The following ADCY6 variants were observed in gnomAD, a reference collection of about 807,000 sequenced individuals.
ADCY6 encodes the protein adenylate cyclase type 6.
ADCY6 carries 59 observed loss-of-function variants against 111.6 expected under a neutral mutation model. That is an observed-to-expected ratio of 0.53 (90% CI 0.43 to 0.66). The LOEUF is 0.66. ADCY6 is among the 30% of genes least tolerant of loss of function. The pLI is 0.00. For synonymous variants in ADCY6, 576 were observed against 642.9 expected, an observed-to-expected ratio of 0.90 and a Z score of 1.57; for missense variants, 1,242 against 1,595.6, an observed-to-expected ratio of 0.78 and a Z score of 3.78.
intron 2 of ADCY6, among the ~76,000 whole-genome samples, chr12:48,779,415 C>G (rs1320879923): frequency 6.6e-6 from 1 of 152,132 alleles, no homozygotes; most frequent in Non-Finnish European, 1.5e-5. Flanking sequence ...TTCCAAGATT[C>G]CTACTCACTC....
In ADCY6 at chr12:48,772,184, T is replaced by C. The variant is rs535357432; in HGVS notation, c.2787+111A>G. 2.7e-6 allele frequency: 4 copies of C among 1,469,414 alleles called. No individual in the cohort carries two copies. In the East Asian group the frequency reaches 9.1e-5, roughly 34 times the overall value. 91.0% of individuals were successfully genotyped at this position (1,469,414 alleles called of 1,614,324 possible). A position where few individuals can be genotyped will look rare whatever the true frequency, so the allele number is the denominator to read the frequency against. On this transcript the variant is annotated intron_variant, in intron 18 of 21. Transcript: ENST00000357869. ...GCACAGAGAAGGAATGGAACCAGGG[T>C]GGGCCTAGGTGTGGCCTGAGCCTTA...
chr12:48,768,603 GC>G lies in ADCY6; in HGVS notation c.3494del (p.Gly1165AlafsTer82). On this transcript the variant is annotated frameshift_variant, in exon 22 of 22. Transcript: ENST00000357869. LOFTEE classifies it high-confidence loss of function. The stretch of plus-strand genomic sequence containing the variant: ...TGGCTGGGCCCTGTTAACTGCTGGG[GC>G]CCCCATTGAGGAAGTAGGTGGTCAT... ...GEMTTYFLNG[G>X]PSS 2 of 1,614,070 alleles carry G rather than the reference GC, an allele frequency of 1.2e-6. No individual in the cohort carries two copies. The highest frequency in any genetic ancestry group is 1.7e-6 in the Non-Finnish European group (2 of 1,179,982).
At chr12:48,778,640 C>A (rs1941768646) in intron 2 of ADCY6, among the ~76,000 whole-genome samples, 1 of 152,164 alleles carries the variant, frequency 6.6e-6, no homozygotes, top group South Asian at 2.1e-4. Context: ...ACCCAGGAGA[C>A]CTGAGCTCTA....
chr12:48,782,977 G>A lies in ADCY6; in HGVS notation c.458C>T (p.Thr153Met). ...YFFQMNQSSL[T>M]LLMAVLVLLT... ...CAGCACCAGCACCGCCATCAGCAGC[G>A]TCAGGCTGCTCTGGTTCATCTGGAA... The change falls in exon 2 of 22, where the codon ACG becomes ATG. Residue 153 changes from threonine (T) to methionine (M), a missense_variant. Thr to Met is a moderately conservative substitution (Grantham distance 81, BLOSUM62 -1). Coordinates refer to ENST00000357869, the MANE Select transcript of ADCY6 (RefSeq NM_015270.5). This position sits in a 1 kb window ranked among gnomAD's most constrained non-coding sequence, Gnocchi z 4.3. 1 of 1,613,738 alleles carries A rather than the reference G, an allele frequency of 6.2e-7. No homozygotes were observed. The highest frequency in any genetic ancestry group is 8.5e-7 in the Non-Finnish European group (1 of 1,179,918).
Position 48,773,484 on chromosome 12 carries a change from A to C in ADCY6, c.2606T>G (p.Leu869Arg), listed in dbSNP as rs371956468. 1 of 1,613,954 alleles carries C rather than the reference A, an allele frequency of 6.2e-7. No homozygotes were observed. The highest frequency in any genetic ancestry group is 8.5e-7 in the Non-Finnish European group (1 of 1,179,886). ...ATIFDNYDLLLGVHGLASSNE... is the reference protein window; with the variant it reads ...ATIFDNYDLLRGVHGLASSNE... ...ATAAACTCACAAGCCATGGACGCCA[A>C]GCAGTAGGTCATAGTTGTCAAAGAT... The change falls in exon 16 of 22, where the codon CTT (leucine) becomes CGT (arginine). Residue 869 changes from leucine to arginine, a missense_variant. Transcript: ENST00000357869.
At chr12:48,773,787 AG>A in intron 15 of ADCY6, 140 bp from the exon 16 acceptor site, 2 of 1,433,276 alleles carry the variant, frequency 1.4e-6, no homozygotes, top group Non-Finnish European at 1.9e-6. Flanking sequence ...TTCCATGCCC[AG>A]CCCCTACAAC....
At chr12:48,786,000 T>A (rs1941972802) in intron 1 of ADCY6, among the ~76,000 whole-genome samples, 2 of 152,168 alleles carry the variant, frequency 1.3e-5, no homozygotes, top group South Asian at 4.1e-4. Context: ...CAGGTCAGAA[T>A]AAGATGAGGC....
Position 48,782,456 on chromosome 12 carries a change from T to C in ADCY6, c.864+115A>G. 6.8e-7 allele frequency: 1 copy of C among 1,464,496 alleles called. No homozygotes were observed. Among genetic ancestry groups the C allele is most frequent in the Non-Finnish European group, 9.0e-7 (1 of 1,106,946 alleles). 90.7% of individuals were successfully genotyped at this position (1,464,496 alleles called of 1,614,324 possible). A position where few individuals can be genotyped will look rare whatever the true frequency, so the allele number is the denominator to read the frequency against. On this transcript the variant is annotated intron_variant, in intron 2 of 21. Transcript: ENST00000357869. This position sits in a 1 kb window ranked among gnomAD's most constrained non-coding sequence, Gnocchi z 4.3. ...CCTCCCAGATACAGCCAGACATCCC[T>C]GCACCCAGCTTCCACCCATGACTCA...
At position 48,766,471 on chromosome 12, in the gene ADCY6, C is replaced by T. The variant is rs1387685627; in HGVS notation, c.*2120G>A. The T allele has an allele frequency of 6.6e-6, 1 of 152,646 alleles. No individual in the cohort carries two copies. The highest frequency in any genetic ancestry group is 1.9e-4 in the East Asian group (1 of 5,184). 9.5% of individuals were successfully genotyped at this position (152,646 alleles called of 1,614,324 possible). On this transcript the variant is annotated 3_prime_UTR_variant, in exon 22 of 22. Transcript: ENST00000357869. Reference sequence around the variant, plus strand: ...CAAGCCACCCAAGGCTGAGGTCTTCCCACTCTGATCTACTTATACCCTCAC... The same window carrying T: ...CAAGCCACCCAAGGCTGAGGTCTTCTCACTCTGATCTACTTATACCCTCAC...
At position 48,771,958 on chromosome 12, in the gene ADCY6, C is replaced by T; in HGVS notation, c.2803G>A (p.Glu935Lys). The change falls in exon 19 of 22, where the codon GAG (glutamate) becomes AAG (lysine). Residue 935 changes from glutamate to lysine, a missense_variant. Transcript: ENST00000357869. The surrounding 1 kb of genome is among the most constrained non-coding windows in gnomAD (Gnocchi z 4.3). ...TATGCCTGTAGCTCCTCCATCTCCTCCTTCTCCCCTGTTGCCTGTGGACAC... is the reference window on the plus strand; with the variant it reads ...TATGCCTGTAGCTCCTCCATCTCCTTCTTCTCCCCTGTTGCCTGTGGACAC... ...LWKLQATGEKEEMEELQAYNR... is the reference protein window; with the variant it reads ...LWKLQATGEKKEMEELQAYNR... 1 of 1,611,184 alleles carries T rather than the reference C, an allele frequency of 6.2e-7. No individual in the cohort carries two copies. The highest frequency in any genetic ancestry group is 1.3e-5 in the African/African-American group (1 of 75,050).
At position 48,776,240 on chromosome 12, in the gene ADCY6, G is replaced by C. The variant is rs1345115705; in HGVS notation, c.1646C>G (p.Thr549Ser). The C allele has an allele frequency of 6.2e-7, 1 of 1,614,238 alleles. No individual in the cohort carries two copies. The highest frequency in any genetic ancestry group is 1.1e-5 in the South Asian group (1 of 91,086). ...CTGGCTGGCGCCCAGGATGAGGAAA[G>C]TCTCAATGTGCTGCTCCTTGAGGTA... is the stretch of plus-strand genomic sequence containing the variant. ...NAYLKEQHIE[T>S]FLILGASQKR... Residue 549 changes from threonine to serine, a missense_variant, in exon 8 of 22, where the codon ACT (threonine) becomes AGT (serine). Coordinates refer to ENST00000357869, the MANE Select transcript of ADCY6 (RefSeq NM_015270.5). This position sits in a 1 kb window ranked among gnomAD's most constrained non-coding sequence, Gnocchi z 6.1.
chr12:48,773,857 A>G, intron 15 of ADCY6, 83 bp downstream of exon 15: 2 of 1,545,134 alleles, frequency 1.3e-6, no homozygotes, highest in East Asian at 2.4e-5. Context: ...CTGGGTCCCC[A>G]GCGCCCATCA....
At position 48,771,965 on chromosome 12, in the gene ADCY6, C is replaced by G; in HGVS notation, c.2796G>C (p.Gly932=). 1 of 1,609,298 alleles carries G rather than the reference C, an allele frequency of 6.2e-7. No homozygotes were observed. Among genetic ancestry groups the G allele is most frequent in the Non-Finnish European group, 8.5e-7 (1 of 1,177,184 alleles). ...GTAGCTCCTCCATCTCCTCCTTCTCCCCTGTTGCCTGTGGACACCACACCC... is the reference window on the plus strand; with the variant it reads ...GTAGCTCCTCCATCTCCTCCTTCTCGCCTGTTGCCTGTGGACACCACACCC... The part of the protein sequence containing the change: ...LDFLWKLQAT[G]EKEEMEELQA... The change falls in exon 19 of 22, where the codon GGG becomes GGC. Residue 932 remains glycine, a synonymous_variant. Coordinates refer to ENST00000357869, the MANE Select transcript of ADCY6 (RefSeq NM_015270.5). This position sits in a 1 kb window ranked among gnomAD's most constrained non-coding sequence, Gnocchi z 4.3.
At chr12:48,775,625 C>T (rs138049515) in intron 10 of ADCY6, 48 bp downstream of exon 10, 7 of 1,600,544 alleles carry the variant, frequency 4.4e-6, no homozygotes, top group East Asian at 2.2e-5. Context: ...CCCCCCAGCC[C>T]CATCCCAGGG....
At position 48,777,768 on chromosome 12, in the gene ADCY6, T is replaced by C. The variant is rs745998348; in HGVS notation, c.1015-32A>G. The C allele has an allele frequency of 6.2e-7, 1 of 1,612,348 alleles. No individual in the cohort carries two copies. Among genetic ancestry groups the C allele is most frequent in the Non-Finnish European group, 8.5e-7 (1 of 1,179,268 alleles). On this transcript the variant is annotated intron_variant, in intron 3 of 21. Coordinates refer to ENST00000357869, the MANE Select transcript of ADCY6 (RefSeq NM_015270.5). The surrounding 1 kb of genome is among the most constrained non-coding windows in gnomAD (Gnocchi z 4.9). ...CAGTGGTTCCAATAGGGCATCACTA[T>C]ACTCTTGGTCTCACATTGCAATCCC...
chr12:48,774,321 C>T lies in ADCY6; in HGVS notation c.2283+81G>A. On this transcript the variant is annotated intron_variant, in intron 14 of 21. Coordinates refer to ENST00000357869, the MANE Select transcript of ADCY6 (RefSeq NM_015270.5). ...GGCTCCCTGAGGGCAGAAAATATGTCCTTTTCTCCGCTGTACTCCCAGTGT... is the reference window on the plus strand; with the variant it reads ...GGCTCCCTGAGGGCAGAAAATATGTTCTTTTCTCCGCTGTACTCCCAGTGT... 2.2e-6 allele frequency: 3 copies of T among 1,393,844 alleles called. No individual in the cohort carries two copies. In the Admixed American group the frequency reaches 5.1e-5, roughly 24 times the overall value. 86.3% of individuals were successfully genotyped at this position (1,393,844 alleles called of 1,614,324 possible). A position where few individuals can be genotyped will look rare whatever the true frequency, so the allele number is the denominator to read the frequency against.
chr12:48,773,266 A>G (rs2137346452), intron 16 of ADCY6, among the ~76,000 whole-genome samples: 1 of 152,174 alleles, frequency 6.6e-6, no homozygotes, highest in African/African-American at 2.4e-5. Flanking sequence ...GCCTAAAGAC[A>G]CAAGGATTTC....
At chr12:48,772,591 C>G (rs370767716) in intron 16 of ADCY6, 48 bp from the exon 17 acceptor site, 76 of 1,609,536 alleles carry the variant, frequency 4.7e-5, no homozygotes, top group Non-Finnish European at 6.2e-5. Context: ...TCCTGGATTG[C>G]TGGGTGGGCA....
chr12:48,779,629 A>C (rs1941792943), intron 2 of ADCY6, among the ~76,000 whole-genome samples: 1 of 152,096 alleles, frequency 6.6e-6, no homozygotes, highest in Non-Finnish European at 1.5e-5. Flanking sequence ...AATCATCATC[A>C]GCGGCACTGG....
Sources: allele counts gnomAD v4.1 joint callset (sites outside exome capture counted in the v4.1 genomes callset), GRCh38; gene constraint gnomAD v4.1.1; non-coding constraint Gnocchi (gnomAD v3.1); transcripts MANE v1.5; gene names NCBI Gene and HGNC (gene_info 2026-07-23, HGNC 2026-07-21).